Variants in CACNA1G observed in about 807,000 individuals in gnomAD.
The protein encoded by CACNA1G is calcium voltage-gated channel subunit alpha1 G.
CACNA1G carries 67 observed loss-of-function variants against 219.4 expected under a neutral mutation model. The ratio of observed to expected loss-of-function variants is 0.31; its 90% CI spans 0.25 to 0.37. CACNA1G has a LOEUF of 0.37. CACNA1G is among the 10% of genes least tolerant of loss of function. The probability of loss-of-function intolerance (pLI) is 1.00; values close to 1 mark genes in which losing one functional copy is unlikely to be tolerated. For synonymous variants in CACNA1G, 1,296 were observed against 1,345.3 expected (o/e 0.96, Z 0.80); for missense variants, 2,380 against 3,231.4 (o/e 0.74, Z 6.39).
At chr17:50,567,956 C>T (rs994663569) in intron 1 of CACNA1G, among the ~76,000 whole-genome samples, 1 of 152,070 alleles carries the variant, frequency 6.6e-6, no homozygotes, top group African/African-American at 2.4e-5. Context: ...GCGGCAATGG[C>T]CTCTTGGGGG....
Position 50,602,852 on chromosome 17 carries a change from C to A in CACNA1G, c.3948C>A (p.Ile1316=), listed in dbSNP as rs1462676592. 4 of 1,613,744 alleles carry A rather than the reference C, an allele frequency of 2.5e-6. No individual in the cohort carries two copies. Among genetic ancestry groups the A allele is most frequent in the African/African-American group, 2.7e-5 (2 of 74,886 alleles). ...ERIFLTLSNY[I]FTAVFLAEMT... The stretch of plus-strand genomic sequence containing the variant: ...TCTTCCTGACCCTCTCCAATTACAT[C>A]TTCACCGCAGTCTTTCTGGCTGAAA... Residue 1316 remains isoleucine, a synonymous_variant, in exon 20 of 38, where the codon ATC becomes ATA. Coordinates refer to ENST00000359106, the MANE Select transcript of CACNA1G (RefSeq NM_018896.5).
intron 9 of CACNA1G, among the ~76,000 whole-genome samples, chr17:50,579,983 C>T (rs905639728): frequency 2.6e-5 from 4 of 152,250 alleles, no homozygotes; most frequent in South Asian, 2.1e-4. Context: ...TGCAATATTT[C>T]GAGCACCCAG....
chr17:50,595,097 GC>G, intron 14 of CACNA1G, 36 bp downstream of exon 14: 1 of 1,513,236 alleles, frequency 6.6e-7, no homozygotes, highest in Non-Finnish European at 9.0e-7. Context: ...TGCCTCCCGT[GC>G]CCCATGCCCG....
intron 28 of CACNA1G, among the ~76,000 whole-genome samples, chr17:50,616,825 C>T (rs1002574867): frequency 5.9e-5 from 9 of 152,076 alleles, no homozygotes; most frequent in Non-Finnish European, 7.4e-5. Context: ...TTATGAATTC[C>T]TATTTGGTTT....
intron 1 of CACNA1G, among the ~76,000 whole-genome samples, chr17:50,566,363 G>A (rs146470458): frequency 1.3e-5 from 2 of 151,934 alleles, no homozygotes; most frequent in African/African-American, 4.8e-5. Flanking sequence ...CGTGTGCCTT[G>A]GTCTCTTCCC....
chr17:50,570,757 C>T (rs1249209026), intron 4 of CACNA1G, among the ~76,000 whole-genome samples: 1 of 152,090 alleles, frequency 6.6e-6, no homozygotes, highest in Non-Finnish European at 1.5e-5. Flanking sequence ...CGGTGTAATT[C>T]CCTTAATGCA....
intron 14 of CACNA1G, 43 bp downstream of exon 14, chr17:50,595,104 G>A (rs929779059): frequency 2.0e-6 from 3 of 1,468,160 alleles, no homozygotes; most frequent in Non-Finnish European, 2.8e-6. Flanking sequence ...CGTGCCCCAT[G>A]CCCGTGCCCC....
intron 19 of CACNA1G, among the ~76,000 whole-genome samples, chr17:50,601,775 C>T (rs764334024): frequency 6.6e-6 from 1 of 152,168 alleles, no homozygotes; most frequent in Non-Finnish European, 1.5e-5. Flanking sequence ...CATTATAGCC[C>T]TTCGCTGTCG....
rs2035540768 is a variant in CACNA1G, at chr17:50,561,383, G to C, written c.-77G>C. 4 of 1,527,104 alleles carry C rather than the reference G, an allele frequency of 2.6e-6. No individual in the cohort carries two copies. The highest frequency in any genetic ancestry group is 3.5e-6 in the Non-Finnish European group (4 of 1,141,844). The allele number at this position is 1,527,104 out of a possible 1,614,324, so 94.6% of individuals were successfully genotyped here. ...AGATGTGCCCCCGCCGGGGCCCCCG[G>C]GTTGCGTGAGGACACCTCCTCTGAG... is the stretch of plus-strand genomic sequence containing the variant. On this transcript the variant is annotated 5_prime_UTR_variant, in exon 1 of 38. Coordinates refer to ENST00000359106, the MANE Select transcript of CACNA1G (RefSeq NM_018896.5).
chr17:50,565,229 T>TTGTGTCTC lies in CACNA1G; in HGVS notation c.242+3537_242+3544dup, dbSNP rs2037384635. On this transcript the variant is annotated intron_variant, in intron 1 of 37. Transcript: ENST00000359106. ...CAAAGATTCCAGCGGGCCGTCTCTC[T>TTGTGTCTC]TGTGTCTCTGTGTCTCATGTCTCTG... Among the ~76,000 whole-genome samples the TTGTGTCTC allele has an allele frequency of 2.6e-5, 4 of 152,296 alleles. No individual in the cohort carries two copies. The South Asian group carries it at 8.3e-4, about 32-fold the overall frequency.
At chr17:50,597,320 A>G (rs2045769605) in intron 16 of CACNA1G, among the ~76,000 whole-genome samples, 1 of 152,154 alleles carries the variant, frequency 6.6e-6, no homozygotes, top group Admixed American at 6.5e-5. Context: ...AGCATTCTAA[A>G]TGCATTTAAT....
chr17:50,568,488 A>G (rs1208728527), intron 1 of CACNA1G, among the ~76,000 whole-genome samples: 1 of 152,148 alleles, frequency 6.6e-6, no homozygotes, highest in Admixed American at 6.5e-5. Flanking sequence ...ACAGTATCTC[A>G]TTTGCTTCTC....
chr17:50,624,165 A>T, intron 36 of CACNA1G, 90 bp downstream of exon 36: 2 of 1,482,888 alleles, frequency 1.3e-6, no homozygotes, highest in South Asian at 2.5e-5. Flanking sequence ...TGGGGAACTG[A>T]GGCAGCCAAA....
rs751289018 is a variant in CACNA1G at position 50,561,523 on chromosome 17, C to T, written c.64C>T (p.Leu22Phe). ...ESGQPRSFMR[L>F]NDLSGAGGRP... ...GGGACAGCCCCGGAGCTTCATGCGG[C>T]TCAACGACCTGTCGGGGGCCGGGGG... Residue 22 changes from leucine (L) to phenylalanine (F), a missense_variant, in exon 1 of 38, where the codon CTC (leucine) becomes TTC (phenylalanine). Physicochemically the swap from Leu to Phe is conservative, Grantham distance 22. Coordinates refer to ENST00000359106, the MANE Select transcript of CACNA1G (RefSeq NM_018896.5). 2.0e-6 allele frequency: 3 copies of T among 1,537,322 alleles called. No individual in the cohort carries two copies. The South Asian group carries it at 3.6e-5, about 18-fold the overall frequency.
At chr17:50,623,869 C>T in intron 35 of CACNA1G, 38 bp from the exon 36 acceptor site, 2 of 1,588,942 alleles carry the variant, frequency 1.3e-6, no homozygotes, top group African/African-American at 1.3e-5. Context: ...CCCACGCACA[C>T]CCTCTTCCTC....
At chr17:50,622,213 A>G (rs1453691534) in intron 35 of CACNA1G, among the ~76,000 whole-genome samples, 1 of 114,040 alleles carries the variant, frequency 8.8e-6, no homozygotes, top group Non-Finnish European at 1.7e-5. Flanking sequence ...TGAGACCTTC[A>G]CACCACGTGG....
At chr17:50,623,716 G>A (rs966602172) in intron 35 of CACNA1G, among the ~76,000 whole-genome samples, 191 bp from the exon 36 acceptor site, 1 of 152,052 alleles carries the variant, frequency 6.6e-6, no homozygotes, top group Non-Finnish European at 1.5e-5. Flanking sequence ...TCCTCCCCGC[G>A]TGTGGAGGGC....
intron 35 of CACNA1G, among the ~76,000 whole-genome samples, chr17:50,623,530 T>C (rs2052755683): frequency 6.6e-6 from 1 of 152,024 alleles, no homozygotes; most frequent in South Asian, 2.1e-4. Context: ...TAGAATCAGC[T>C]TGTGAGCCAC....
chr17:50,587,976 T>C (rs1261241812), intron 9 of CACNA1G, among the ~76,000 whole-genome samples: 1 of 152,160 alleles, frequency 6.6e-6, no homozygotes, highest in Admixed American at 6.5e-5. Flanking sequence ...CGCACAGTAG[T>C]AGTCGGACTT....
Sources: allele counts gnomAD v4.1 joint callset (sites outside exome capture counted in the v4.1 genomes callset), GRCh38; gene constraint gnomAD v4.1.1; transcripts MANE v1.5; gene names NCBI Gene and HGNC (gene_info 2026-07-23, HGNC 2026-07-21).